The following TENT5D variants were observed in gnomAD, a reference collection of about 807,000 sequenced individuals.
TENT5D encodes terminal nucleotidyltransferase 5D, also known as cancer/testis antigen 112.
For synonymous variants in TENT5D, 103 were observed against 100.6 expected, an observed-to-expected ratio of 1.02 and a Z score of -0.15; for missense variants, 191 against 287.0, an observed-to-expected ratio of 0.67 and a Z score of 2.42.
chrX:80,409,466 G>C lies in TENT5D; in HGVS notation c.-141-29144G>C, dbSNP rs193058809. Among the ~76,000 whole-genome samples the C allele has an allele frequency of 3.7e-3, 412 of 110,436 alleles. 4 individuals carry two copies. The highest frequency in any genetic ancestry group is 0.013 in the African/African-American group (400 of 30,524). On this transcript the variant is annotated intron_variant, in intron 3 of 4. Coordinates refer to the TENT5D transcript ENST00000538312. Reference sequence around the variant, plus strand: ...CTTATACACCAATAACAGACAAATAGAGAGCCAAATGAGTGAACTCCCATT... The same window carrying C: ...CTTATACACCAATAACAGACAAATACAGAGCCAAATGAGTGAACTCCCATT...
intron 3 of TENT5D, among the ~76,000 whole-genome samples, chrX:80,406,995 A>G (rs1398422164): frequency 1.9e-5 from 2 of 106,833 alleles, no homozygotes; most frequent in African/African-American, 6.8e-5. Flanking sequence ...ATATCCAGCC[A>G]AACTAAGCTT....
chrX:80,380,558 G>A (rs1930841516), intron 3 of TENT5D, among the ~76,000 whole-genome samples: 1 of 110,838 alleles, frequency 9.0e-6, no homozygotes, highest in African/African-American at 3.3e-5. Flanking sequence ...TGACAGTGGG[G>A]TGTTAAACTC....
chrX:80,407,456 C>T (rs1176464276), intron 3 of TENT5D, among the ~76,000 whole-genome samples: 1 of 108,747 alleles, frequency 9.2e-6, no homozygotes, highest in Non-Finnish European at 1.9e-5. Context: ...CAATCCTAGT[C>T]TCTGATAAAA....
chrX:80,431,881 G>A (rs1932096007), intron 1 of TENT5D, among the ~76,000 whole-genome samples: 2 of 111,334 alleles, frequency 1.8e-5, no homozygotes, highest in Non-Finnish European at 1.9e-5. Context: ...CATGGGAAAA[G>A]GAACAGCTTA....
intron 3 of TENT5D, among the ~76,000 whole-genome samples, chrX:80,406,378 G>C (rs1466000855): frequency 9.4e-6 from 1 of 106,619 alleles, no homozygotes; most frequent in African/African-American, 3.4e-5. Flanking sequence ...TGTATAACTA[G>C]AATAACCAAT....
chrX:80,431,417 C>T (rs1336591943), intron 1 of TENT5D, among the ~76,000 whole-genome samples: 1 of 111,907 alleles, frequency 8.9e-6, no homozygotes, highest in African/African-American at 3.3e-5. Flanking sequence ...TAAAAACTGA[C>T]TCCAAATTCT....
intron 2 of TENT5D, among the ~76,000 whole-genome samples, chrX:80,440,500 A>C (rs1932263439): frequency 9.0e-6 from 1 of 110,570 alleles, no homozygotes. Context: ...TTTTATTTGT[A>C]TATAAGTGTC....
intron 3 of TENT5D, among the ~76,000 whole-genome samples, chrX:80,388,498 G>T (rs1193790341): frequency 9.0e-6 from 1 of 111,629 alleles, no homozygotes; most frequent in Non-Finnish European, 1.9e-5. Flanking sequence ...AGGCAGCAAA[G>T]TTCCCTTCTG....
At chrX:80,360,930 T>TTAAC (rs1175071562) in intron 3 of TENT5D, among the ~76,000 whole-genome samples, 1 of 112,059 alleles carries the variant, frequency 8.9e-6, no homozygotes, top group African/African-American at 3.2e-5. Flanking sequence ...AAGATCTAGT[T>TTAAC]TAACACTTCC....
intron 3 of TENT5D, among the ~76,000 whole-genome samples, chrX:80,390,581 G>C (rs1010529618): frequency 1.8e-5 from 2 of 111,437 alleles, no homozygotes; most frequent in African/African-American, 6.5e-5. Flanking sequence ...AACAAGTTGA[G>C]GAACAGTGAA....
intron 2 of TENT5D, among the ~76,000 whole-genome samples, chrX:80,439,894 GTAGT>G (rs968351023): frequency 5.4e-5 from 6 of 110,517 alleles, no homozygotes; most frequent in African/African-American, 9.8e-5. Flanking sequence ...AACAGTAGAG[GTAGT>G]TAGTGACATG....
upstream of TENT5D, among the ~76,000 whole-genome samples, chrX:80,419,587 GTTTC>G (rs1175381860): frequency 8.9e-6 from 1 of 112,520 alleles, no homozygotes; most frequent in East Asian, 2.8e-4. Context: ...TTATGTGATA[GTTTC>G]TATAAATTGG....
At chrX:80,352,079 A>G (rs1237458320) in intron 3 of TENT5D, among the ~76,000 whole-genome samples, 2 of 112,049 alleles carry the variant, frequency 1.8e-5, no homozygotes, top group South Asian at 7.5e-4. Flanking sequence ...TGAGGTATCT[A>G]TCAACCCTTG....
intron 3 of TENT5D, among the ~76,000 whole-genome samples, chrX:80,377,065 C>A (rs1930743320): frequency 9.1e-6 from 1 of 110,249 alleles, no homozygotes; most frequent in Admixed American, 9.7e-5. Flanking sequence ...ATAGACACTC[C>A]CAGTGAAAGT....
chrX:80,336,834 T>G (rs745718222), intron 2 of TENT5D, among the ~76,000 whole-genome samples: 1 of 112,256 alleles, frequency 8.9e-6, no homozygotes, highest in East Asian at 2.8e-4. Context: ...ATAGGATCAG[T>G]TTTTTAGTAA....
intron 3 of TENT5D, among the ~76,000 whole-genome samples, chrX:80,357,859 C>G (rs1930320045): frequency 9.0e-6 from 1 of 111,658 alleles, no homozygotes; most frequent in African/African-American, 3.3e-5. Context: ...ATTGCCAAGT[C>G]AATTCTAAGC....
chrX:80,357,120 T>C (rs751244831), intron 3 of TENT5D, among the ~76,000 whole-genome samples: 5 of 112,194 alleles, frequency 4.5e-5, no homozygotes, highest in Admixed American at 9.4e-5. Context: ...CATAGTATTC[T>C]GTGGTGTATA....
At chrX:80,430,430 A>G (rs1602222278) in intron 1 of TENT5D, among the ~76,000 whole-genome samples, 1 of 111,029 alleles carries the variant, frequency 9.0e-6, no homozygotes, top group Admixed American at 9.6e-5. Flanking sequence ...TGCATTTGAG[A>G]GTTCCCCAGG....
intron 3 of TENT5D, among the ~76,000 whole-genome samples, chrX:80,364,574 A>G (rs1400867083): frequency 4.5e-5 from 5 of 110,870 alleles, no homozygotes; most frequent in South Asian, 7.7e-4. Flanking sequence ...GTAAGATTGC[A>G]TAGGGTTAAA....
Sources: gnomAD v4.1 joint callset for allele counts (sites outside exome capture counted in the v4.1 genomes callset) on GRCh38, gnomAD v4.1.1 for gene constraint, MANE v1.5 for transcripts, NCBI Gene and HGNC (gene_info 2026-07-23, HGNC 2026-07-21) for gene names.